Variants in AK5 observed in about 807,000 individuals in gnomAD.
AK5 encodes the protein adenylate kinase isoenzyme 5.
In AK5, 27 loss-of-function variants were observed where a neutral mutation model predicts 69.5. The observed-to-expected ratio is 0.39, with a 90% CI of 0.29 to 0.54. AK5 has a LOEUF of 0.54. Among genes scored for constraint, AK5 ranks in the 20% least tolerant of loss-of-function variants. The probability of loss-of-function intolerance (pLI) is 0.71; values close to 1 mark genes in which losing one functional copy is unlikely to be tolerated. For synonymous variants in AK5, 260 were observed against 244.4 expected, an observed-to-expected ratio of 1.06 and a Z score of -0.60; for missense variants, 531 against 700.4, an observed-to-expected ratio of 0.76 and a Z score of 2.73.
intron 10 of AK5, among the ~76,000 whole-genome samples, chr1:77,502,255 TC>T (rs1350303123): frequency 6.6e-6 from 1 of 152,172 alleles, no homozygotes; most frequent in Non-Finnish European, 1.5e-5. Context: ...ATTTTTCTGC[TC>T]CTTTGAGTGG....
chr1:77,351,960 G>A (rs6603941), intron 6 of AK5, among the ~76,000 whole-genome samples: 5 of 138,734 alleles, frequency 3.6e-5, no homozygotes, highest in South Asian at 4.6e-4. Context: ...ATGGAGTTTC[G>A]CTCTTGTTGC....
chr1:77,441,785 G>T (rs1231975965), intron 8 of AK5, among the ~76,000 whole-genome samples: 1 of 152,198 alleles, frequency 6.6e-6, no homozygotes, highest in Non-Finnish European at 1.5e-5. Context: ...CACAGAGGCA[G>T]GTGCCCAGAG....
chr1:77,367,579 A>ATGTTGT (rs71075732), intron 6 of AK5, among the ~76,000 whole-genome samples: 2 of 53,364 alleles, frequency 3.7e-5, no homozygotes. Flanking sequence ...ATATATATAT[A>ATGTTGT]ATATATATGT....
intron 8 of AK5, among the ~76,000 whole-genome samples, chr1:77,453,532 AG>A (rs1424684880): frequency 1.3e-5 from 2 of 152,184 alleles, no homozygotes; most frequent in African/African-American, 4.8e-5. Flanking sequence ...ATGGGCATCT[AG>A]GTTGTTTCCG....
Position 77,541,703 on chromosome 1 carries a change from C to T in AK5, c.1620+5665C>T, listed in dbSNP as rs115143085. 5.0e-3 allele frequency among the ~76,000 whole-genome samples: 766 copies of T among 152,264 alleles called. 2 individuals are homozygous for T. The highest frequency in any genetic ancestry group is 8.7e-3 in the Non-Finnish European group (592 of 68,026). Reference sequence around the variant, plus strand: ...CAGGCCTAAAAGGCTCACAGTGCTCCCTACTGCTTCACAAACACCGTTTCC... The same window carrying T: ...CAGGCCTAAAAGGCTCACAGTGCTCTCTACTGCTTCACAAACACCGTTTCC... On this transcript the variant is annotated intron_variant, in intron 13 of 13. Transcript: ENST00000354567.
intron 6 of AK5, among the ~76,000 whole-genome samples, chr1:77,398,280 G>A (rs1004817421): frequency 3.9e-5 from 6 of 152,160 alleles, no homozygotes; most frequent in African/African-American, 1.2e-4. Flanking sequence ...GCAGCACAGC[G>A]GGTTTTTTTC....
At chr1:77,322,156 G>A (rs1389855237) in intron 5 of AK5, among the ~76,000 whole-genome samples, 1 of 152,158 alleles carries the variant, frequency 6.6e-6, no homozygotes, top group Admixed American at 6.6e-5. Flanking sequence ...ACGTGGATGG[G>A]ATAGAGGGTG....
chr1:77,448,244 A>T (rs1652879247), intron 8 of AK5, among the ~76,000 whole-genome samples: 1 of 152,148 alleles, frequency 6.6e-6, no homozygotes, highest in Non-Finnish European at 1.5e-5. Flanking sequence ...CTGGAGTAAG[A>T]ACTTGTGGTG....
At chr1:77,434,146 AAAT>A (rs869223980) in intron 8 of AK5, among the ~76,000 whole-genome samples, 1 of 149,234 alleles carries the variant, frequency 6.7e-6, no homozygotes, top group South Asian at 2.1e-4. Context: ...ATAAATAAAT[AAAT>A]AAAATTTGAT....
chr1:77,443,701 GT>G (rs1652480576), intron 8 of AK5, among the ~76,000 whole-genome samples: 3 of 151,470 alleles, frequency 2.0e-5, no homozygotes, highest in African/African-American at 7.3e-5. Context: ...GTGTGTGTGT[GT>G]GTGTGTGTGT....
intron 13 of AK5, among the ~76,000 whole-genome samples, chr1:77,549,952 AT>A (rs1659740216): frequency 6.6e-6 from 1 of 150,648 alleles, no homozygotes; most frequent in Admixed American, 6.6e-5. Context: ...AGCCTCTTTT[AT>A]TTATTTATTT....
At chr1:77,509,123 T>C (rs1430783703) in intron 10 of AK5, among the ~76,000 whole-genome samples, 1 of 152,210 alleles carries the variant, frequency 6.6e-6, no homozygotes, top group African/African-American at 2.4e-5. Context: ...TTTCTTGTCA[T>C]GTACAGGGTT....
intron 6 of AK5, among the ~76,000 whole-genome samples, chr1:77,405,914 C>T (rs887490999): frequency 4.0e-5 from 6 of 150,674 alleles, no homozygotes; most frequent in African/African-American, 1.5e-4. Flanking sequence ...TTTTCCACTT[C>T]ACGCTTAATG....
chr1:77,505,439 C>T (rs568896027), intron 10 of AK5, among the ~76,000 whole-genome samples: 1 of 152,266 alleles, frequency 6.6e-6, no homozygotes, highest in East Asian at 1.9e-4. Context: ...AGCAGAGAAA[C>T]AAAACAAAAT....
chr1:77,388,232 C>T (rs1405451375), intron 6 of AK5, among the ~76,000 whole-genome samples: 1 of 152,162 alleles, frequency 6.6e-6, no homozygotes, highest in Admixed American at 6.5e-5. Context: ...AAGTGTTGGG[C>T]ATTAATTGCT....
At chr1:77,372,394 C>G (rs1187265960) in intron 6 of AK5, among the ~76,000 whole-genome samples, 1 of 152,120 alleles carries the variant, frequency 6.6e-6, no homozygotes, top group Non-Finnish European at 1.5e-5. Context: ...ACACACCACT[C>G]TCACCTTTTT....
chr1:77,382,290 C>A (rs1272397550), intron 6 of AK5, among the ~76,000 whole-genome samples: 2 of 146,602 alleles, frequency 1.4e-5, no homozygotes, highest in Admixed American at 1.4e-4. Context: ...AAAACTGGAG[C>A]AAATGATAGT....
intron 10 of AK5, among the ~76,000 whole-genome samples, chr1:77,508,915 A>T (rs137937480): frequency 9.4e-4 from 143 of 152,158 alleles, no homozygotes; most frequent in Non-Finnish European, 1.8e-3. Flanking sequence ...TTCCACAGGC[A>T]TGGGGAGAAG....
chr1:77,506,275 G>GTT (rs67811526), intron 10 of AK5, among the ~76,000 whole-genome samples: 13 of 151,374 alleles, frequency 8.6e-5, no homozygotes, highest in East Asian at 1.9e-4. Flanking sequence ...ATTTTTTGGG[G>GTT]TTTTTTTAAT....
Sources: allele counts gnomAD v4.1 joint callset (sites outside exome capture counted in the v4.1 genomes callset), GRCh38; gene constraint gnomAD v4.1.1; transcripts MANE v1.5; gene names NCBI Gene and HGNC (gene_info 2026-07-23, HGNC 2026-07-21).